RNF180: variants seen among roughly 807,000 people sequenced by gnomAD.
RNF180 encodes E3 ubiquitin-protein ligase RNF180.
RNF180 carries 38 observed loss-of-function variants against 59.2 expected under a neutral mutation model. That is an observed-to-expected ratio of 0.64 (90% CI 0.50 to 0.84). RNF180 has a LOEUF of 0.84. Among genes scored for constraint, RNF180 ranks in the 40% least tolerant of loss-of-function variants. The pLI is 0.00. For synonymous variants in RNF180, 262 were observed against 240.3 expected (o/e 1.09, Z -0.84); for missense variants, 705 against 700.9 (o/e 1.01, Z -0.07).
At chr5:64,293,630 AAT>A in intron 5 of RNF180, among the ~76,000 whole-genome samples, 1 of 151,998 alleles carries the variant, frequency 6.6e-6, no homozygotes, top group South Asian at 2.1e-4. Context: ...TATAATTACA[AAT>A]ATTATTTTAA....
chr5:64,277,207 A>G (rs1457226530), intron 5 of RNF180, among the ~76,000 whole-genome samples: 1 of 150,492 alleles, frequency 6.6e-6, no homozygotes, highest in Non-Finnish European at 1.5e-5. Flanking sequence ...AAAAAAAAAA[A>G]GAGACCGCAG....
chr5:64,312,634 C>T (rs1666687135), intron 5 of RNF180, among the ~76,000 whole-genome samples: 2 of 152,054 alleles, frequency 1.3e-5, no homozygotes, highest in Non-Finnish European at 2.9e-5. Context: ...GGCAACATAG[C>T]TTGGAGTGGT....
intron 5 of RNF180, among the ~76,000 whole-genome samples, chr5:64,279,997 G>T (rs905381220): frequency 3.9e-5 from 6 of 152,166 alleles, no homozygotes; most frequent in Non-Finnish European, 7.3e-5. Flanking sequence ...GGAGGCTGAG[G>T]CAGGAGAATC....
At chr5:64,201,527 G>T (rs1751749601) in intron 2 of RNF180, among the ~76,000 whole-genome samples, 1 of 152,138 alleles carries the variant, frequency 6.6e-6, no homozygotes, top group African/African-American at 2.4e-5. Context: ...AATGGAGTTT[G>T]GCAGAAATTC....
intron 5 of RNF180, among the ~76,000 whole-genome samples, chr5:64,255,568 A>G (rs186345654): frequency 5.3e-5 from 8 of 152,286 alleles, no homozygotes; most frequent in African/African-American, 1.7e-4. Context: ...CATGGTGTAT[A>G]TGTGCCACAT....
chr5:64,264,139 T>G (rs556272244), intron 5 of RNF180, among the ~76,000 whole-genome samples: 1 of 152,148 alleles, frequency 6.6e-6, no homozygotes, highest in African/African-American at 2.4e-5. Context: ...TCTCCTCTCT[T>G]TTCCCTTATT....
chr5:64,355,230 G>T (rs1285626039), intron 7 of RNF180, among the ~76,000 whole-genome samples: 1 of 151,858 alleles, frequency 6.6e-6, no homozygotes, highest in Non-Finnish European at 1.5e-5. Flanking sequence ...AACATGGCAG[G>T]TTATACGATC....
At chr5:64,354,282 A>G (rs1302101855) in intron 7 of RNF180, among the ~76,000 whole-genome samples, 1 of 151,784 alleles carries the variant, frequency 6.6e-6, no homozygotes, top group African/African-American at 2.4e-5. Flanking sequence ...CATTACTACC[A>G]CTTTTACAGA....
At chr5:64,219,659 G>A (rs138791035) in intron 5 of RNF180, among the ~76,000 whole-genome samples, 160 of 150,702 alleles carry the variant, frequency 1.1e-3, no homozygotes, top group African/African-American at 3.7e-3. Context: ...GACTACAAGC[G>A]CACGCCACCA....
intron 7 of RNF180, among the ~76,000 whole-genome samples, chr5:64,341,385 G>A (rs1745347706): frequency 6.6e-6 from 1 of 152,184 alleles, no homozygotes; most frequent in Non-Finnish European, 1.5e-5. Context: ...GAAAGGAAGT[G>A]AAGGAGCTCA....
chr5:64,281,525 G>A (rs935816341), intron 5 of RNF180, among the ~76,000 whole-genome samples: 1 of 151,970 alleles, frequency 6.6e-6, no homozygotes, highest in African/African-American at 2.4e-5. Context: ...TTGAGATGGA[G>A]TCTTGTTCTG....
At chr5:64,285,976 G>A (rs1017469664) in intron 5 of RNF180, among the ~76,000 whole-genome samples, 7 of 152,230 alleles carry the variant, frequency 4.6e-5, no homozygotes, top group East Asian at 3.9e-4. Context: ...GAATCCAGAT[G>A]TGCATAGCAA....
chr5:64,171,601 GATTTTAA>G (rs1240361406), intron 1 of RNF180, among the ~76,000 whole-genome samples: 1 of 152,122 alleles, frequency 6.6e-6, no homozygotes, highest in Non-Finnish European at 1.5e-5. Flanking sequence ...CTTAAATATT[GATTTTAA>G]ATAGCTTTTA....
intron 7 of RNF180, among the ~76,000 whole-genome samples, chr5:64,340,132 A>G (rs1282311475): frequency 1.3e-5 from 2 of 152,284 alleles, no homozygotes; most frequent in East Asian, 1.9e-4. Context: ...CCATTCATAT[A>G]TATAATTACA....
intron 2 of RNF180, among the ~76,000 whole-genome samples, chr5:64,211,743 C>T (rs1194661581): frequency 1.3e-5 from 2 of 152,236 alleles, no homozygotes; most frequent in Admixed American, 6.5e-5. Context: ...CCATGAAAGA[C>T]ACTATTTTGT....
At chr5:64,226,344 G>T (rs1741754914) in intron 5 of RNF180, among the ~76,000 whole-genome samples, 3 of 152,234 alleles carry the variant, frequency 2.0e-5, no homozygotes, top group African/African-American at 7.2e-5. Flanking sequence ...TTGGGATGCT[G>T]TTGATCTATA....
rs936564589 is a variant in RNF180, at chr5:64,262,443, A to T, written c.1227+45047A>T. On this transcript the variant is annotated intron_variant, in intron 5 of 7. Transcript: ENST00000389100. ...TATTTCAAAATCGGACAGCCTTAGC[A>T]CCACTCTTTGAATCTAAGGAATTTT... is the stretch of plus-strand genomic sequence containing the variant. 2.0e-5 allele frequency among the ~76,000 whole-genome samples: 3 copies of T among 152,104 alleles called. No homozygotes were observed. The South Asian group carries it at 6.2e-4, about 31-fold the overall frequency.
At position 64,369,636 on chromosome 5, in the gene RNF180, C is replaced by T; in HGVS notation, c.1601C>T (p.Pro534Leu). 6.6e-7 allele frequency: 1 copy of T among 1,522,288 alleles called. No homozygotes were observed. The highest frequency in any genetic ancestry group is 8.8e-7 in the Non-Finnish European group (1 of 1,137,380). The allele number at this position is 1,522,288 out of a possible 1,614,324, so 94.3% of individuals were successfully genotyped here. ...CTAGGTTTCCGCAGACATGCAGCTCCAGTTACAAGAAGGCAGTTCCCACAC... is the reference window on the plus strand; with the variant it reads ...CTAGGTTTCCGCAGACATGCAGCTCTAGTTACAAGAAGGCAGTTCCCACAC... Reference protein sequence around the residue: ...LFGGFRRHAAPVTRRQFPHGA... With the variant: ...LFGGFRRHAALVTRRQFPHGA... The change falls in exon 8 of 8, where the codon CCA (proline) becomes CTA (leucine). Residue 534 changes from proline (P) to leucine (L), a missense_variant. By Grantham distance (98) the Pro-to-Leu change is moderately conservative (BLOSUM62 -3). Coordinates refer to ENST00000389100, the MANE Select transcript of RNF180 (RefSeq NM_001113561.2).
chr5:64,358,961 A>C (rs1746135113), intron 7 of RNF180, among the ~76,000 whole-genome samples: 3 of 151,638 alleles, frequency 2.0e-5, no homozygotes, highest in Admixed American at 2.0e-4. Context: ...AAAGGACATG[A>C]ACTCATCATT....
Sources: gnomAD v4.1 joint callset for allele counts (sites outside exome capture counted in the v4.1 genomes callset) on GRCh38, gnomAD v4.1.1 for gene constraint, MANE v1.5 for transcripts, NCBI Gene and HGNC (gene_info 2026-07-23, HGNC 2026-07-21) for gene names.